Variants in GABRB2 observed in about 807,000 individuals in gnomAD.
GABRB2 encodes gamma-aminobutyric acid type A receptor subunit beta2, also known as gamma-aminobutyric acid receptor subunit beta-2.
In GABRB2, 16 loss-of-function variants were observed where a neutral mutation model predicts 54.7. That is an observed-to-expected ratio of 0.29 (90% CI 0.20 to 0.44). The LOEUF (loss-of-function observed/expected upper bound fraction) is 0.44, where lower values mean the gene tolerates loss of function less well. Among genes scored for constraint, GABRB2 ranks in the 20% least tolerant of loss-of-function variants. The probability of loss-of-function intolerance (pLI) is 1.00; values close to 1 mark genes in which losing one functional copy is unlikely to be tolerated. For missense variants in GABRB2, 355 were observed against 644.0 expected (o/e 0.55, Z 4.86); for synonymous variants, 244 against 233.8 (o/e 1.04, Z -0.40).
intron 4 of GABRB2, among the ~76,000 whole-genome samples, chr5:161,436,734 T>C (rs1757322489): frequency 6.6e-6 from 1 of 152,028 alleles, no homozygotes; most frequent in Admixed American, 6.6e-5. Flanking sequence ...AAAGAGGCAC[T>C]GAAGAGATGG....
chr5:161,494,490 A>T (rs538277829), intron 3 of GABRB2, among the ~76,000 whole-genome samples: 1 of 151,462 alleles, frequency 6.6e-6, no homozygotes, highest in Non-Finnish European at 1.5e-5. Flanking sequence ...AAACACATTT[A>T]CACTCACAAT....
intron 4 of GABRB2, among the ~76,000 whole-genome samples, chr5:161,424,990 A>G (rs1756957055): frequency 6.6e-6 from 1 of 152,150 alleles, no homozygotes; most frequent in South Asian, 2.1e-4. Context: ...CAGATATAGT[A>G]GAAATAGTAA....
chr5:161,510,667 T>C (rs1176642382), intron 3 of GABRB2, among the ~76,000 whole-genome samples: 1 of 151,894 alleles, frequency 6.6e-6, no homozygotes, highest in Admixed American at 6.6e-5. Context: ...GGAGTCTCAT[T>C]TCTTGTCACC....
In GABRB2 at chr5:161,294,149, A is replaced by G. The variant is rs1757313564; in HGVS notation, c.1471T>C (p.Ser491Pro). The G allele has an allele frequency of 6.2e-7, 1 of 1,614,012 alleles. No homozygotes were observed. The change falls in exon 10 of 10, where the codon TCC becomes CCC. Residue 491 changes from serine to proline, a missense_variant. Physicochemically the swap from Ser to Pro is moderately conservative, Grantham distance 74. This residue lies in a region of GABRB2 where 201 missense variants were observed against 228.1 expected (regional missense o/e 0.88). Coordinates refer to ENST00000393959, the MANE Select transcript of GABRB2 (RefSeq NM_001371727.1). Reference sequence around the variant, plus strand: ...AAAACCACTGGGAAGAATATGCGGGACCACCGATCTATGGCATTCACATCA... The same window carrying G: ...AAAACCACTGGGAAGAATATGCGGGGCCACCGATCTATGGCATTCACATCA... ...LTDVNAIDRW[S>P]RIFFPVVFSF...
At chr5:161,307,826 TA>T (rs1290229558) in intron 9 of GABRB2, among the ~76,000 whole-genome samples, 4 of 151,910 alleles carry the variant, frequency 2.6e-5, no homozygotes, top group African/African-American at 9.7e-5. Context: ...AGAGAATATA[TA>T]AATTCATTGA....
chr5:161,510,695 G>GCAT (rs1461411501), intron 3 of GABRB2, among the ~76,000 whole-genome samples: 2 of 151,816 alleles, frequency 1.3e-5, no homozygotes, highest in Non-Finnish European at 2.9e-5. Flanking sequence ...TAGTGCAATG[G>GCAT]CATGATCTTG....
intron 3 of GABRB2, among the ~76,000 whole-genome samples, chr5:161,497,060 T>C (rs981885507): frequency 6.6e-6 from 1 of 152,148 alleles, no homozygotes; most frequent in Admixed American, 6.6e-5. Flanking sequence ...CTCATCCTCA[T>C]GTTAGAAGTT....
At chr5:161,422,499 G>A (rs1244854552) in intron 4 of GABRB2, among the ~76,000 whole-genome samples, 2 of 152,068 alleles carry the variant, frequency 1.3e-5, no homozygotes, top group Non-Finnish European at 2.9e-5. Flanking sequence ...AGGAAATCAA[G>A]TTGTATAGTA....
intron 4 of GABRB2, among the ~76,000 whole-genome samples, chr5:161,445,766 GCCC>G (rs1250656461): frequency 6.6e-6 from 1 of 152,030 alleles, no homozygotes; most frequent in East Asian, 1.9e-4. Flanking sequence ...GCCTCCCGCT[GCCC>G]CACCCTTCTG....
At chr5:161,406,588 T>C (rs1256425966) in intron 5 of GABRB2, among the ~76,000 whole-genome samples, 1 of 152,056 alleles carries the variant, frequency 6.6e-6, no homozygotes, top group African/African-American at 2.4e-5. Context: ...CAAAGCAATG[T>C]GTTAGATTCT....
chr5:161,432,491 A>G (rs1329508865), intron 4 of GABRB2, among the ~76,000 whole-genome samples: 1 of 152,208 alleles, frequency 6.6e-6, no homozygotes, highest in Admixed American at 6.5e-5. Context: ...AGCATCTTTA[A>G]GAGATCTCAA....
At chr5:161,388,438 G>T (rs1398881280) in intron 5 of GABRB2, among the ~76,000 whole-genome samples, 2 of 151,988 alleles carry the variant, frequency 1.3e-5, no homozygotes, top group Non-Finnish European at 2.9e-5. Context: ...AATTGCTTTT[G>T]ATGCTAGCTT....
intron 5 of GABRB2, among the ~76,000 whole-genome samples, chr5:161,398,009 T>C (rs1275472639): frequency 7.4e-6 from 1 of 134,508 alleles, no homozygotes; most frequent in Non-Finnish European, 1.6e-5. Flanking sequence ...CAGAGGTAGA[T>C]AGATGATAGA....
rs748387820 is a variant in GABRB2 at position 161,465,205 on chromosome 5, T to C, written c.238-5361A>G. 1.3e-4 allele frequency among the ~76,000 whole-genome samples: 19 copies of C among 151,632 alleles called. 1 individual carries two copies. The highest frequency in any genetic ancestry group is 2.8e-4 in the Non-Finnish European group (19 of 67,908). On this transcript the variant is annotated intron_variant, in intron 3 of 9. Coordinates refer to ENST00000393959, the MANE Select transcript of GABRB2 (RefSeq NM_001371727.1). Reference sequence around the variant, plus strand: ...TCCAAGTCAAAAGAACAACTATAGCTAATTAACATAGGAACTGGGGGAAAC... The same window carrying C: ...TCCAAGTCAAAAGAACAACTATAGCCAATTAACATAGGAACTGGGGGAAAC...
chr5:161,440,162 G>T (rs771258040), intron 4 of GABRB2, among the ~76,000 whole-genome samples: 57 of 150,190 alleles, frequency 3.8e-4, no homozygotes, highest in Non-Finnish European at 6.9e-4. Context: ...ACAAAAGGGA[G>T]ACAGGAAGGA....
chr5:161,459,948 T>A, intron 3 of GABRB2, 104 bp from the exon 4 acceptor site: 1 of 668,052 alleles, frequency 1.5e-6, no homozygotes, highest in Non-Finnish European at 2.4e-6. Flanking sequence ...ATTTTTAATT[T>A]ATTTTTATTT....
intron 5 of GABRB2, among the ~76,000 whole-genome samples, chr5:161,369,115 C>A (rs1755056777): frequency 6.6e-6 from 1 of 152,186 alleles, no homozygotes; most frequent in Admixed American, 6.6e-5. Flanking sequence ...AGCTTCTTAT[C>A]TTTGAATTCT....
intron 3 of GABRB2, among the ~76,000 whole-genome samples, chr5:161,462,951 C>G (rs1758155818): frequency 6.6e-6 from 1 of 152,056 alleles, no homozygotes; most frequent in Non-Finnish European, 1.5e-5. Flanking sequence ...TCACATTTGA[C>G]AACTCCACCT....
intron 2 of GABRB2, among the ~76,000 whole-genome samples, chr5:161,545,746 G>C (rs1434946048): frequency 6.6e-6 from 1 of 152,006 alleles, no homozygotes; most frequent in Non-Finnish European, 1.5e-5. Flanking sequence ...TAGGGCTGCA[G>C]CCAGAGAGAG....
Sources: gnomAD v4.1 joint callset for allele counts (sites outside exome capture counted in the v4.1 genomes callset) on GRCh38, gnomAD v4.1.1 for gene constraint, gnomAD v4.1.1 regional missense constraint, MANE v1.5 for transcripts, NCBI Gene and HGNC (gene_info 2026-07-23, HGNC 2026-07-21) for gene names.